The following PCNX2 variants were observed in gnomAD, a reference collection of about 807,000 sequenced individuals.
PCNX2 encodes the protein pecanex 2.
In PCNX2, 168 loss-of-function variants were observed where a neutral mutation model predicts 223.8. The ratio of observed to expected loss-of-function variants is 0.75; its 90% CI spans 0.66 to 0.85. The LOEUF (loss-of-function observed/expected upper bound fraction) is 0.85. Among genes scored for constraint, PCNX2 ranks in the 40% least tolerant of loss-of-function variants. PCNX2 has a pLI of 0.00. For missense variants in PCNX2, 2,507 were observed against 2,675.5 expected (o/e 0.94, Z 1.39); for synonymous variants, 1,006 against 1,052.6 (o/e 0.96, Z 0.86).
the PCNX2 span, among the ~76,000 whole-genome samples, chr1:233,323,037 G>C: frequency 2.6e-5 from 4 of 152,160 alleles, no homozygotes; most frequent in African/African-American, 9.7e-5. Context: ...AGCCTGGGAA[G>C]AAGTATCTTG....
intron 9 of PCNX2, chr1:233,231,641 G>A (rs1658070050): frequency 1.0e-6 from 1 of 984,662 alleles, no homozygotes; most frequent in Non-Finnish European, 1.2e-6. Context: ...CAGGGGATAG[G>A]GAGAAGGAGT....
At chr1:233,136,429 C>T (rs569412216) in intron 20 of PCNX2, among the ~76,000 whole-genome samples, 4 of 152,210 alleles carry the variant, frequency 2.6e-5, no homozygotes, top group South Asian at 2.1e-4. Flanking sequence ...TTGGAAATTC[C>T]GTATGCCTCA....
At chr1:233,179,029 G>T in intron 16 of PCNX2, 37 bp downstream of exon 16, 2 of 1,575,908 alleles carry the variant, frequency 1.3e-6, no homozygotes, top group Non-Finnish European at 1.7e-6. Flanking sequence ...TATGCCCCCA[G>T]CTCAGTGATG....
intron 1 of PCNX2, among the ~76,000 whole-genome samples, chr1:233,266,759 T>C (rs543416328): frequency 1.3e-5 from 2 of 152,362 alleles, no homozygotes; most frequent in South Asian, 4.1e-4. Context: ...CACATTCTAG[T>C]TAACAATGGG....
At chr1:233,108,515 C>T (rs953930907) in intron 21 of PCNX2, among the ~76,000 whole-genome samples, 2 of 152,194 alleles carry the variant, frequency 1.3e-5, no homozygotes, top group Admixed American at 6.5e-5. Flanking sequence ...CAGAATTCTA[C>T]AGGGTGTTCA....
Position 233,000,457 on chromosome 1 carries a change from C to G in PCNX2, c.5176G>C (p.Val1726Leu), listed in dbSNP as rs1670043554. Reference sequence around the variant, plus strand: ...GCCGGGTCGCCCTCGTGGCAGATGACCACCTTCTTCTCGAAGGACTGGATG... The same window carrying G: ...GCCGGGTCGCCCTCGTGGCAGATGAGCACCTTCTTCTCGAAGGACTGGATG... ...EAIQSFEKKVVICHEGDPAWR... is the reference protein window; with the variant it reads ...EAIQSFEKKVLICHEGDPAWR... Residue 1726 changes from valine to leucine, a missense_variant, in exon 30 of 34, where the codon GTC becomes CTC. Physicochemically the swap from Val to Leu is conservative, Grantham distance 32. This residue lies in a region of PCNX2 where 1,372 missense variants were observed against 1,509.4 expected (regional missense o/e 0.91). Transcript: ENST00000258229. This position sits in a 1 kb window ranked among gnomAD's most constrained non-coding sequence, Gnocchi z 4.6. 6.3e-7 allele frequency: 1 copy of G among 1,596,920 alleles called. No individual in the cohort carries two copies. Among genetic ancestry groups the G allele is most frequent in the African/African-American group, 1.3e-5 (1 of 74,518 alleles).
intron 4 of PCNX2, among the ~76,000 whole-genome samples, chr1:233,259,648 A>T (rs2139997): frequency 1.3e-5 from 2 of 151,758 alleles, no homozygotes; most frequent in East Asian, 2.0e-4. Context: ...GACAGGCCCC[A>T]GTGTGTGATG....
At chr1:233,191,181 T>C (rs528301580) in intron 15 of PCNX2, among the ~76,000 whole-genome samples, 6 of 152,230 alleles carry the variant, frequency 3.9e-5, no homozygotes, top group Admixed American at 6.5e-5. Context: ...CTGATAATTA[T>C]GGGCGTTCAG....
chr1:233,318,563 CTT>C, the PCNX2 span, among the ~76,000 whole-genome samples: 12 of 92,500 alleles, frequency 1.3e-4, no homozygotes, highest in South Asian at 2.5e-3. Flanking sequence ...TTTTCTTTTT[CTT>C]TTTTTTTTTT....
intron 10 of PCNX2, among the ~76,000 whole-genome samples, chr1:233,223,707 G>A (rs1005573283): frequency 6.6e-6 from 1 of 152,132 alleles, no homozygotes; most frequent in Admixed American, 6.5e-5. Context: ...GTGAGAACAT[G>A]CGGTGTTTGG....
chr1:233,207,447 T>G (rs1406869237), intron 13 of PCNX2, among the ~76,000 whole-genome samples: 1 of 152,134 alleles, frequency 6.6e-6, no homozygotes, highest in African/African-American at 2.4e-5. Context: ...CAATAACAAG[T>G]TGGCAGGTGT....
chr1:233,017,196 T>C, intron 26 of PCNX2, 42 bp from the exon 27 acceptor site: 2 of 1,473,006 alleles, frequency 1.4e-6, no homozygotes, highest in South Asian at 1.2e-5. Flanking sequence ...ATTAATTTAA[T>C]CTTAGAAAGT....
intron 21 of PCNX2, among the ~76,000 whole-genome samples, chr1:233,113,440 A>G (rs2102980157): frequency 6.6e-6 from 1 of 152,282 alleles, no homozygotes; most frequent in South Asian, 2.1e-4. Flanking sequence ...ATGAGTCAGC[A>G]TCTCTCTAGA....
intron 8 of PCNX2, chr1:233,241,272 T>C (rs958359510): frequency 3.0e-6 from 3 of 985,302 alleles, no homozygotes; most frequent in Admixed American, 6.1e-5. Context: ...ACTGCCATCA[T>C]GTGGCAGCAG....
chr1:233,019,151 T>C (rs1670788208), intron 26 of PCNX2: 1 of 985,370 alleles, frequency 1.0e-6, no homozygotes, highest in South Asian at 4.7e-5. Flanking sequence ...CAACTGCAAA[T>C]GCATGACTTA....
intron 17 of PCNX2, among the ~76,000 whole-genome samples, chr1:233,169,834 C>T (rs1004291767): frequency 6.6e-6 from 1 of 151,838 alleles, no homozygotes; most frequent in African/African-American, 2.4e-5. Flanking sequence ...TCTGGAGGTT[C>T]CCATCAACAA....
At chr1:233,099,592 A>G (rs1674368124) in intron 21 of PCNX2, among the ~76,000 whole-genome samples, 1 of 152,178 alleles carries the variant, frequency 6.6e-6, no homozygotes, top group Admixed American at 6.5e-5. Context: ...GAGAGACATG[A>G]TCCAGGTTTA....
At chr1:233,080,231 G>A (rs1673292192) in intron 23 of PCNX2, among the ~76,000 whole-genome samples, 1 of 151,978 alleles carries the variant, frequency 6.6e-6, no homozygotes, top group African/African-American at 2.4e-5. Context: ...GGGGGGGCTG[G>A]TTTCTCCTTA....
intron 9 of PCNX2, 22 bp from the exon 10 acceptor site, chr1:233,227,393 A>C: frequency 6.2e-7 from 1 of 1,605,256 alleles, no homozygotes; most frequent in Non-Finnish European, 8.5e-7. Flanking sequence ...CAAAAGAAAC[A>C]ACAGAAAAAA....
Sources: allele counts gnomAD v4.1 joint callset (sites outside exome capture counted in the v4.1 genomes callset), GRCh38; gene constraint gnomAD v4.1.1; regional missense constraint gnomAD v4.1.1; non-coding constraint Gnocchi (gnomAD v3.1); transcripts MANE v1.5; gene names NCBI Gene and HGNC (gene_info 2026-07-23, HGNC 2026-07-21).